LRP1B: variants seen among roughly 807,000 people sequenced by gnomAD.
LRP1B encodes LDL receptor related protein 1B.
LRP1B carries 217 observed loss-of-function variants against 556.6 expected under a neutral mutation model. That is an observed-to-expected ratio of 0.39 (90% CI 0.35 to 0.44). The LOEUF is 0.44. Ranked by LOEUF, LRP1B falls within the 20% of genes least tolerant of loss-of-function variation. The pLI is 1.00. For synonymous variants in LRP1B, 2,047 were observed against 1,865.8 expected (o/e 1.10, Z -2.50); for missense variants, 5,053 against 5,620.8 (o/e 0.90, Z 3.23).
intron 32 of LRP1B, among the ~76,000 whole-genome samples, chr2:140,807,990 G>T (rs1690783385): frequency 6.6e-6 from 1 of 152,162 alleles, no homozygotes. Context: ...TACTGGGGAG[G>T]CTGAGGCACA....
At chr2:140,997,830 G>A (rs142171911) in intron 15 of LRP1B, among the ~76,000 whole-genome samples, 14 of 151,856 alleles carry the variant, frequency 9.2e-5, no homozygotes, top group African/African-American at 2.4e-4. Context: ...CGCCTATACC[G>A]GAAGACTGTG....
intron 1 of LRP1B, among the ~76,000 whole-genome samples, chr2:142,090,129 C>T (rs998906488): frequency 2.6e-5 from 4 of 152,014 alleles, no homozygotes; most frequent in Admixed American, 1.3e-4. Context: ...ATCAGCCACT[C>T]ACTCATTAAA....
chr2:140,515,311 T>A (rs1689847278), intron 50 of LRP1B, among the ~76,000 whole-genome samples: 1 of 152,006 alleles, frequency 6.6e-6, no homozygotes, highest in African/African-American at 2.4e-5. Flanking sequence ...TGTTGCTTCC[T>A]TGGAAACACT....
intron 41 of LRP1B, among the ~76,000 whole-genome samples, chr2:140,636,370 T>C (rs2105288044): frequency 6.6e-6 from 1 of 152,290 alleles, no homozygotes; most frequent in South Asian, 2.1e-4. Context: ...TAATGCTTTC[T>C]TAAATGTGCT....
At chr2:141,798,535 C>T (rs1412943736) in intron 2 of LRP1B, among the ~76,000 whole-genome samples, 3 of 151,422 alleles carry the variant, frequency 2.0e-5, no homozygotes, top group African/African-American at 4.9e-5. Flanking sequence ...GATGAAACCC[C>T]GTCTCTACTA....
intron 83 of LRP1B, among the ~76,000 whole-genome samples, chr2:140,314,038 G>A (rs1433467335): frequency 6.6e-6 from 1 of 151,786 alleles, no homozygotes; most frequent in Non-Finnish European, 1.5e-5. Context: ...AATTCTTTCA[G>A]TTAGCACTAT....
chr2:141,409,116 G>T (rs1013757872), intron 3 of LRP1B, among the ~76,000 whole-genome samples: 1 of 152,016 alleles, frequency 6.6e-6, no homozygotes, highest in African/African-American at 2.4e-5. Flanking sequence ...CACAAATATG[G>T]TATACTAATA....
intron 3 of LRP1B, among the ~76,000 whole-genome samples, chr2:141,399,745 CT>C (rs1690378393): frequency 1.3e-5 from 2 of 152,090 alleles, no homozygotes; most frequent in African/African-American, 4.8e-5. Context: ...TCGTTTGTGA[CT>C]TATTTAAAGG....
chr2:140,712,429 C>G (rs114253620), intron 37 of LRP1B, among the ~76,000 whole-genome samples: 2,542 of 152,020 alleles, frequency 0.017, 91 homozygotes, highest in Admixed American at 0.072. Context: ...ATCTTGCCTC[C>G]CTGCTTTCTG....
chr2:141,019,801 G>T, intron 12 of LRP1B, 121 bp downstream of exon 12: 1 of 682,664 alleles, frequency 1.5e-6, no homozygotes, highest in Non-Finnish European at 2.3e-6. Context: ...TACCCACTAA[G>T]ACCATTTGTG....
At chr2:140,922,103 T>C (rs1307143870) in intron 21 of LRP1B, among the ~76,000 whole-genome samples, 1 of 152,020 alleles carries the variant, frequency 6.6e-6, no homozygotes, top group Non-Finnish European at 1.5e-5. Flanking sequence ...ATTTCACAAA[T>C]TAAACCACAA....
At chr2:141,744,371 T>G (rs946082572) in intron 2 of LRP1B, among the ~76,000 whole-genome samples, 1 of 152,224 alleles carries the variant, frequency 6.6e-6, no homozygotes, top group Admixed American at 6.5e-5. Context: ...TTTTATTTTT[T>G]GGAATGTTTT....
chr2:142,086,140 AG>A (rs1705911531), intron 1 of LRP1B, among the ~76,000 whole-genome samples: 1 of 152,320 alleles, frequency 6.6e-6, no homozygotes, highest in South Asian at 2.1e-4. Flanking sequence ...TCTCAACAAG[AG>A]TGAAAATGTG....
intron 7 of LRP1B, among the ~76,000 whole-genome samples, chr2:141,180,220 C>T (rs1680930774): frequency 1.3e-5 from 2 of 151,536 alleles, no homozygotes; most frequent in African/African-American, 4.8e-5. Context: ...TACATAACTC[C>T]AAGAGTTCAT....
intron 35 of LRP1B, among the ~76,000 whole-genome samples, chr2:140,747,098 C>T (rs1281131989): frequency 6.6e-6 from 1 of 152,102 alleles, no homozygotes; most frequent in Admixed American, 6.6e-5. Flanking sequence ...GTTTCTATGG[C>T]TGTGTAATAA....
chr2:140,671,877 C>CA (rs1685498203), intron 41 of LRP1B, among the ~76,000 whole-genome samples: 1 of 152,138 alleles, frequency 6.6e-6, no homozygotes, highest in African/African-American at 2.4e-5. Flanking sequence ...TCCTGGTTCT[C>CA]AAAGATTTAT....
chr2:141,968,621 A>G (rs1220865443), intron 1 of LRP1B, among the ~76,000 whole-genome samples: 1 of 151,850 alleles, frequency 6.6e-6, no homozygotes, highest in Non-Finnish European at 1.5e-5. Flanking sequence ...GTGAGTTTCC[A>G]AATTGTAGAA....
At chr2:140,686,543 G>C (rs568116695) in intron 41 of LRP1B, among the ~76,000 whole-genome samples, 1 of 152,066 alleles carries the variant, frequency 6.6e-6, no homozygotes, top group Non-Finnish European at 1.5e-5. Flanking sequence ...GTTGGATCCT[G>C]ACTGGGAAGA....
intron 5 of LRP1B, among the ~76,000 whole-genome samples, chr2:141,230,125 C>T (rs1161219833): frequency 2.6e-5 from 4 of 152,222 alleles, no homozygotes; most frequent in Admixed American, 1.3e-4. Context: ...TACAAATTTC[C>T]CAGAGTTTCA....
Sources: gnomAD v4.1 joint callset for allele counts (sites outside exome capture counted in the v4.1 genomes callset) on GRCh38, gnomAD v4.1.1 for gene constraint, MANE v1.5 for transcripts, NCBI Gene and HGNC (gene_info 2026-07-23, HGNC 2026-07-21) for gene names.